The following CLIP2 variants were observed in gnomAD, a reference collection of about 807,000 sequenced individuals.
CLIP2 encodes the protein CAP-Gly domain containing linker protein 2.
Under a neutral mutation model 111.7 loss-of-function variants are expected in CLIP2, and 41 were observed. That is an observed-to-expected ratio of 0.37 (90% CI 0.29 to 0.48). The LOEUF is 0.48. CLIP2 is among the 20% of genes least tolerant of loss of function. CLIP2 has a pLI of 0.99. For synonymous variants in CLIP2, 660 were observed against 644.2 expected (o/e 1.02, Z -0.37); for missense variants, 1,160 against 1,422.1 (o/e 0.82, Z 2.96).
Position 74,404,032 on chromosome 7 carries a change from C to A in CLIP2, c.*184C>A. The A allele has an allele frequency of 1.5e-6, 1 of 674,064 alleles. No homozygotes were observed. The highest frequency in any genetic ancestry group is 2.6e-6 in the Non-Finnish European group (1 of 378,174). The allele number at this position is 674,064 out of a possible 1,614,324, so 41.8% of individuals were successfully genotyped here. On this transcript the variant is annotated 3_prime_UTR_variant, in exon 17 of 17. Coordinates refer to ENST00000223398, the MANE Select transcript of CLIP2 (RefSeq NM_003388.5). ...ATCCCTCGCCAGACCAGGACGCTTC[C>A]TCAAGCCCAGCCTTCTACAGAGAGT... is the stretch of plus-strand genomic sequence containing the variant.
intron 1 of CLIP2, among the ~76,000 whole-genome samples, chr7:74,309,617 G>C (rs1163027302): frequency 6.6e-6 from 1 of 151,954 alleles, no homozygotes. Flanking sequence ...CAGCACTTTG[G>C]GAGGCTGAGG....
intron 13 of CLIP2, among the ~76,000 whole-genome samples, chr7:74,390,142 A>G (rs1554315557): frequency 4.8e-5 from 3 of 62,496 alleles, no homozygotes; most frequent in Non-Finnish European, 9.3e-5. Flanking sequence ...GAGAGAAAGA[A>G]AGAAAGAAAA....
intron 8 of CLIP2, among the ~76,000 whole-genome samples, chr7:74,370,062 G>T (rs1378522949): frequency 2.6e-5 from 2 of 77,238 alleles, no homozygotes; most frequent in African/African-American, 7.4e-5. Flanking sequence ...GAAGGCTGAG[G>T]CAGGAGAATC....
At position 74,376,521 on chromosome 7, in the gene CLIP2, T is replaced by G. The variant is rs1554312912; in HGVS notation, c.2120T>G (p.Leu707Arg). ...AGLQRHWRAQ[L>R]EVQASQHRLE... ...CTGCAGCGGCACTGGCGGGCCCAGC[T>G]GGAGGTGCAAGCCAGCCAGCACCGG... The change falls in exon 10 of 17, where the codon CTG (leucine) becomes CGG (arginine). Residue 707 changes from leucine to arginine, a missense_variant. By Grantham distance (102) the Leu-to-Arg change is moderately radical. Around this residue, in one of 5 missense-constraint regions of CLIP2, gnomAD observed 676 missense variants for 777.8 expected, o/e 0.87. Coordinates refer to ENST00000223398, the MANE Select transcript of CLIP2 (RefSeq NM_003388.5). This position sits in a 1 kb window ranked among gnomAD's most constrained non-coding sequence, Gnocchi z 7.1. 1 of 1,602,396 alleles carries G rather than the reference T, an allele frequency of 6.2e-7. No individual in the cohort carries two copies. Among genetic ancestry groups the G allele is most frequent in the Non-Finnish European group, 8.5e-7 (1 of 1,176,060 alleles).
rs1562726938 is a variant in CLIP2, at chr7:74,390,209, GAAAGAAAGAAAGAAAGGATT to G, written c.2720+953_2720+972del. Among the ~76,000 whole-genome samples, 312 of 98,846 alleles carry G rather than the reference GAAAGAAAGAAAGAAAGGATT, an allele frequency of 3.2e-3. 4 individuals are homozygous for G. The Middle Eastern group carries it at 0.045, about 14-fold the overall frequency. The allele number at this position is 98,846 out of a possible 152,430, so 64.8% of individuals were successfully genotyped here. A position where few individuals can be genotyped will look rare whatever the true frequency, so the allele number is the denominator to read the frequency against. On this transcript the variant is annotated intron_variant, in intron 13 of 16. Transcript: ENST00000223398. Reference sequence around the variant, plus strand: ...AGAAAGAAAGAAAGAAAGAAAGAAAGAAAGAAAGAAAGAAAGGATTAATGCCTCCCCAAAATGTTTGGTCT... The same window carrying G: ...AGAAAGAAAGAAAGAAAGAAAGAAAGAATGCCTCCCCAAAATGTTTGGTCT...
In CLIP2 at chr7:74,385,122, C is replaced by CAA. The variant is rs71094780; in HGVS notation, c.2480-1378_2480-1377dup. Among the ~76,000 whole-genome samples the CAA allele has an allele frequency of 8.1e-3, 416 of 51,568 alleles. 1 individual carries two copies. Among genetic ancestry groups the CAA allele is most frequent in the Non-Finnish European group, 0.012 (312 of 27,102 alleles). 33.8% of individuals were successfully genotyped at this position (51,568 alleles called of 152,430 possible). A position where few individuals can be genotyped will look rare whatever the true frequency, so the allele number is the denominator to read the frequency against. On this transcript the variant is annotated intron_variant, in intron 11 of 16. Transcript: ENST00000223398. ...TGAAACCCTGTCTCTATTAAAAATA[C>CAA]AAAAAAAAAAAAAAAAAAAAAAGTT... is the stretch of plus-strand genomic sequence containing the variant.
chr7:74,360,926 G>A (rs1477675021), intron 7 of CLIP2, among the ~76,000 whole-genome samples: 1 of 152,068 alleles, frequency 6.6e-6, no homozygotes, highest in East Asian at 1.9e-4. Flanking sequence ...TAGGCTGGGG[G>A]TGGTGGAAGG....
intron 13 of CLIP2, among the ~76,000 whole-genome samples, chr7:74,394,107 T>C (rs1261665729): frequency 2.6e-5 from 4 of 152,194 alleles, no homozygotes; most frequent in African/African-American, 9.6e-5. Context: ...CCCTGTCATC[T>C]GAAGCCACAT....
chr7:74,384,351 C>A (rs1177198372), intron 11 of CLIP2, among the ~76,000 whole-genome samples: 1 of 151,844 alleles, frequency 6.6e-6, no homozygotes, highest in East Asian at 1.9e-4. Flanking sequence ...AATGATGCTG[C>A]TAAGAACATA....
At position 74,400,040 on chromosome 7, in the gene CLIP2, C is replaced by T. The variant is rs782073037; in HGVS notation, c.2881-330C>T. On this transcript the variant is annotated intron_variant, in intron 14 of 16. Transcript: ENST00000223398. Reference sequence around the variant, plus strand: ...CGTGGTGGTGGGCCCCTCCCAGCTACTCAGGAGGCTGAGGCAGGAGAATGG... The same window carrying T: ...CGTGGTGGTGGGCCCCTCCCAGCTATTCAGGAGGCTGAGGCAGGAGAATGG... Among the ~76,000 whole-genome samples the T allele has an allele frequency of 7.7e-4, 117 of 151,244 alleles. 1 individual carries two copies. The highest frequency in any genetic ancestry group is 1.4e-3 in the East Asian group (7 of 5,026).
intron 1 of CLIP2, among the ~76,000 whole-genome samples, chr7:74,290,623 G>A (rs1554725235): frequency 6.6e-6 from 1 of 152,182 alleles, no homozygotes. Context: ...TCACTTCTGG[G>A]TGAGAAGTGG....
intron 3 of CLIP2, among the ~76,000 whole-genome samples, chr7:74,349,832 CT>C (rs1789930100): frequency 6.6e-6 from 1 of 151,532 alleles, no homozygotes; most frequent in Non-Finnish European, 1.5e-5. Context: ...CCAGGCTGGT[CT>C]TTAGCTCCTG....
At chr7:74,339,865 A>C (rs2116564216) in intron 3 of CLIP2, among the ~76,000 whole-genome samples, 1 of 151,958 alleles carries the variant, frequency 6.6e-6, no homozygotes, top group Admixed American at 6.6e-5. Context: ...AGATGGGAGG[A>C]TCACTTGAGC....
chr7:74,299,177 C>G (rs1306655813), intron 1 of CLIP2, among the ~76,000 whole-genome samples: 4 of 151,890 alleles, frequency 2.6e-5, no homozygotes, highest in Admixed American at 1.3e-4. Flanking sequence ...ATAAAAAATA[C>G]AAAAATTAGC....
intron 2 of CLIP2, among the ~76,000 whole-genome samples, chr7:74,334,239 G>T (rs1019476493): frequency 1.3e-5 from 2 of 152,202 alleles, no homozygotes; most frequent in South Asian, 4.1e-4. Context: ...TTTGATGAGC[G>T]TTTTGTCCCT....
chr7:74,298,356 G>GTT (rs35535113), intron 1 of CLIP2, among the ~76,000 whole-genome samples: 38 of 109,608 alleles, frequency 3.5e-4, no homozygotes, highest in African/African-American at 8.3e-4. Context: ...CTGCTAATTG[G>GTT]TTTTTTTTTT....
chr7:74,307,294 C>G (rs895403093), intron 1 of CLIP2, among the ~76,000 whole-genome samples: 1 of 152,104 alleles, frequency 6.6e-6, no homozygotes, highest in Non-Finnish European at 1.5e-5. Flanking sequence ...GGGCTGGGCT[C>G]GGCAGGATGG....
intron 1 of CLIP2, among the ~76,000 whole-genome samples, chr7:74,307,505 T>G (rs1262792661): frequency 1.3e-5 from 2 of 152,190 alleles, no homozygotes; most frequent in African/African-American, 2.4e-5. Context: ...TTTTTGGTTT[T>G]GTTTTGTTTG....
chr7:74,356,808 T>C (rs1475943067), intron 5 of CLIP2, among the ~76,000 whole-genome samples, 185 bp downstream of exon 5: 1 of 152,210 alleles, frequency 6.6e-6, no homozygotes, highest in Admixed American at 6.6e-5. Flanking sequence ...TTGCTGTTTT[T>C]ATATAACTGA....
Sources: allele counts gnomAD v4.1 joint callset (sites outside exome capture counted in the v4.1 genomes callset), GRCh38; gene constraint gnomAD v4.1.1; regional missense constraint gnomAD v4.1.1; non-coding constraint Gnocchi (gnomAD v3.1); transcripts MANE v1.5; gene names NCBI Gene and HGNC (gene_info 2026-07-23, HGNC 2026-07-21).